HMGXB3: variants seen among roughly 807,000 people sequenced by gnomAD.
HMGXB3 encodes HMG domain-containing protein 3.
Under a neutral mutation model 121.5 loss-of-function variants are expected in HMGXB3, and 45 were observed. That is an observed-to-expected ratio of 0.37 (90% CI 0.29 to 0.47). The LOEUF is 0.47. Ranked by LOEUF, HMGXB3 falls within the 20% of genes least tolerant of loss-of-function variation. The probability of loss-of-function intolerance (pLI) is 0.99; values close to 1 mark genes in which losing one functional copy is unlikely to be tolerated. For missense variants in HMGXB3, 1,376 were observed against 1,602.2 expected (o/e 0.86, Z 2.41); for synonymous variants, 590 against 624.1 (o/e 0.95, Z 0.81).
At chr5:150,041,158 T>C (rs1353128805) in intron 14 of HMGXB3, among the ~76,000 whole-genome samples, 2 of 152,234 alleles carry the variant, frequency 1.3e-5, no homozygotes, top group African/African-American at 2.4e-5. Context: ...TTGGCCCCAT[T>C]GCATGTTAGA....
In HMGXB3 at chr5:150,050,287, G is replaced by A; in HGVS notation, c.3237G>A (p.Glu1079=). 6.4e-7 allele frequency: 1 copy of A among 1,551,852 alleles called. No individual in the cohort carries two copies. The highest frequency in any genetic ancestry group is 8.7e-7 in the Non-Finnish European group (1 of 1,147,012). Reference sequence around the variant, plus strand: ...GCTCCAAGTATCTTGTGCGAGGTGAGAGTGCCCGTGACCATGTGGACCTGC... The same window carrying A: ...GCTCCAAGTATCTTGTGCGAGGTGAAAGTGCCCGTGACCATGTGGACCTGC... ...VCGSKYLVRG[E]SARDHVDLLA... The change falls in exon 19 of 20, where the codon GAG becomes GAA. Residue 1079 remains glutamate (E), a synonymous_variant. Coordinates refer to ENST00000502717, the MANE Select transcript of HMGXB3 (RefSeq NM_014983.3).
Position 150,032,443 on chromosome 5 carries a change from T to G in HMGXB3, c.1834-11T>G. 6.4e-7 allele frequency: 1 copy of G among 1,550,950 alleles called. No individual in the cohort carries two copies. The highest frequency in any genetic ancestry group is 8.7e-7 in the Non-Finnish European group (1 of 1,146,444). ...TTTTTGTAGAATTGAACACTGGTCT[T>G]ACTTTTTTAGGATTTGGGCCTGGCT... On this transcript the variant is annotated splice_polypyrimidine_tract_variant and intron_variant, in intron 10 of 19. Transcript: ENST00000502717.
chr5:150,005,722 C>T (rs1230460136), intron 2 of HMGXB3, among the ~76,000 whole-genome samples: 1 of 152,020 alleles, frequency 6.6e-6, no homozygotes, highest in East Asian at 1.9e-4. Flanking sequence ...ATACCTCAAA[C>T]TTGTGAAACT....
chr5:150,045,647 C>G lies in HMGXB3; in HGVS notation c.2912C>G (p.Thr971Ser). ...ATGAGAGGAGCTGTGGTCGTCAACACTGAGAAAGACAAAAACCTGGATGTG... is the reference window on the plus strand; with the variant it reads ...ATGAGAGGAGCTGTGGTCGTCAACAGTGAGAAAGACAAAAACCTGGATGTG... ...PLMRGAVVVN[T>S]EKDKNLDVQP... is the part of the protein sequence containing the mutation. Residue 971 changes from threonine to serine, a missense_variant, in exon 16 of 20, where the codon ACT becomes AGT. Physicochemically the swap from Thr to Ser is moderately conservative, Grantham distance 58. Transcript: ENST00000502717. 1.3e-6 allele frequency: 2 copies of G among 1,551,722 alleles called. No homozygotes were observed. Among genetic ancestry groups the G allele is most frequent in the East Asian group, 2.4e-5 (1 of 40,926 alleles).
chr5:150,047,543 T>C lies in HMGXB3; in HGVS notation c.2951-81T>C. The C allele has an allele frequency of 4.6e-6, 7 of 1,512,500 alleles. No individual in the cohort carries two copies. The Admixed American group carries it at 1.2e-4, about 26-fold the overall frequency. 93.7% of individuals were successfully genotyped at this position (1,512,500 alleles called of 1,614,324 possible). A position where few individuals can be genotyped will look rare whatever the true frequency, so the allele number is the denominator to read the frequency against. On this transcript the variant is annotated intron_variant, in intron 16 of 19. Coordinates refer to ENST00000502717, the MANE Select transcript of HMGXB3 (RefSeq NM_014983.3). The stretch of plus-strand genomic sequence containing the variant: ...GGCTTGGTGCAGAGCTGGCTTCCAC[T>C]GTTTGCTGTTTTGTGGGCCTAGCCT...
intron 4 of HMGXB3, among the ~76,000 whole-genome samples, chr5:150,011,381 C>T (rs1311740284): frequency 1.3e-5 from 2 of 152,130 alleles, no homozygotes; most frequent in Non-Finnish European, 2.9e-5. Flanking sequence ...AATATATAAC[C>T]TGTCCTCTAT....
intron 17 of HMGXB3, 134 bp downstream of exon 17, chr5:150,047,891 G>A: frequency 2.1e-6 from 2 of 939,428 alleles, no homozygotes; most frequent in Non-Finnish European, 3.2e-6. Context: ...GGGATGCCTA[G>A]GAGATGGTCA....
chr5:150,006,337 A>G, intron 2 of HMGXB3, 136 bp from the exon 3 acceptor site: 2 of 592,562 alleles, frequency 3.4e-6, no homozygotes, highest in Non-Finnish European at 5.5e-6. Flanking sequence ...CAACCTCTTG[A>G]CTACCCATAT....
At chr5:150,026,959 T>C (rs1350542127) in intron 8 of HMGXB3, 61 bp from the exon 9 acceptor site, 2 of 1,536,998 alleles carry the variant, frequency 1.3e-6, no homozygotes, top group Non-Finnish European at 1.8e-6. Flanking sequence ...AGAACGGACA[T>C]AGAGACTTGG....
chr5:150,028,269 G>A (rs1756278983), intron 9 of HMGXB3, among the ~76,000 whole-genome samples: 1 of 151,894 alleles, frequency 6.6e-6, no homozygotes, highest in Non-Finnish European at 1.5e-5. Context: ...AGTCAGATAT[G>A]CATTTATCTC....
chr5:150,030,312 C>CA (rs902009748), intron 9 of HMGXB3: 61 of 154,452 alleles, frequency 3.9e-4, no homozygotes, highest in Middle Eastern at 3.3e-3. Flanking sequence ...ACATCGCTAC[C>CA]AAAAAAAAAG....
At position 150,053,076 on chromosome 5, in the gene HMGXB3, G is replaced by A. The variant is rs961422257; in HGVS notation, c.*884G>A. 2 of 178,356 alleles carry A rather than the reference G, an allele frequency of 1.1e-5. No individual in the cohort carries two copies. Among genetic ancestry groups the A allele is most frequent in the African/African-American group, 2.4e-5 (1 of 42,264 alleles). The allele number at this position is 178,356 out of a possible 1,614,324, so 11.0% of individuals were successfully genotyped here. A position where few individuals can be genotyped will look rare whatever the true frequency, so the allele number is the denominator to read the frequency against. On this transcript the variant is annotated 3_prime_UTR_variant, in exon 20 of 20. Coordinates refer to ENST00000502717, the MANE Select transcript of HMGXB3 (RefSeq NM_014983.3). ...TGTGTTAATTTATTGAGTGGAGTAG[G>A]TGGCTTTTTTTCCCTCCCTCTTCCC...
In HMGXB3 at chr5:150,047,617, C is replaced by G. The variant is rs548089389; in HGVS notation, c.2951-7C>G. 8 of 1,551,508 alleles carry G rather than the reference C, an allele frequency of 5.2e-6. No homozygotes were observed. Among genetic ancestry groups the G allele is most frequent in the Admixed American group, 2.0e-5 (1 of 50,982 alleles). On this transcript the variant is annotated splice_region_variant and splice_polypyrimidine_tract_variant and intron_variant, in intron 16 of 19. Coordinates refer to ENST00000502717, the MANE Select transcript of HMGXB3 (RefSeq NM_014983.3). ...CACCCTCCCACCAGCACTGTTGTCT[C>G]TTGCAGGCAGTGGCAGTGCCTTGGT...
At position 150,052,478 on chromosome 5, in the gene HMGXB3, T is replaced by G; in HGVS notation, c.*286T>G. 3 of 378,198 alleles carry G rather than the reference T, an allele frequency of 7.9e-6. No homozygotes were observed. Among genetic ancestry groups the G allele is most frequent in the Non-Finnish European group, 9.8e-6 (2 of 204,696 alleles). The allele number at this position is 378,198 out of a possible 1,614,324, so 23.4% of individuals were successfully genotyped here. ...GAGGGGAGGCTGAGGGAAAGGCTCG[T>G]AGCTGGTGGGTTCCGTGGGGCCTGC... On this transcript the variant is annotated 3_prime_UTR_variant, in exon 20 of 20. Coordinates refer to ENST00000502717, the MANE Select transcript of HMGXB3 (RefSeq NM_014983.3).
chr5:150,034,357 A>G (rs1421342270), intron 11 of HMGXB3, among the ~76,000 whole-genome samples: 2 of 152,104 alleles, frequency 1.3e-5, no homozygotes, highest in African/African-American at 4.8e-5. Context: ...TACATATACA[A>G]AGTGTGTCTA....
intron 2 of HMGXB3, 120 bp downstream of exon 2, chr5:150,005,109 G>A (rs1227281837): frequency 1.1e-5 from 14 of 1,298,976 alleles, no homozygotes; most frequent in African/African-American, 1.5e-5. Context: ...GTCCTGTGTC[G>A]AGGGATGAGG....
intron 13 of HMGXB3, among the ~76,000 whole-genome samples, chr5:150,039,919 C>A (rs1325897607): frequency 6.6e-6 from 1 of 152,204 alleles, no homozygotes; most frequent in Non-Finnish European, 1.5e-5. Context: ...TATAAAATCA[C>A]CCACTTTTAT....
At chr5:150,011,507 G>C (rs1268172106) in intron 4 of HMGXB3, among the ~76,000 whole-genome samples, 3 of 152,050 alleles carry the variant, frequency 2.0e-5, no homozygotes, top group Non-Finnish European at 2.9e-5. Flanking sequence ...CCTGCAATCT[G>C]TCCCAGGGCT....
chr5:150,009,038 ATT>A (rs1002410072), intron 3 of HMGXB3, among the ~76,000 whole-genome samples: 1 of 151,754 alleles, frequency 6.6e-6, no homozygotes, highest in Non-Finnish European at 1.5e-5. Flanking sequence ...TACTTCTGAA[ATT>A]TTTTTTTGTT....
Sources: gnomAD v4.1 joint callset for allele counts (sites outside exome capture counted in the v4.1 genomes callset) on GRCh38, gnomAD v4.1.1 for gene constraint, MANE v1.5 for transcripts, NCBI Gene and HGNC (gene_info 2026-07-23, HGNC 2026-07-21) for gene names.